SHROOM2: variants seen among roughly 807,000 people sequenced by gnomAD.
SHROOM2 encodes protein Shroom2.
In SHROOM2, 33 loss-of-function variants were observed where a neutral mutation model predicts 75.9. That is an observed-to-expected ratio of 0.43 (90% CI 0.33 to 0.58). The LOEUF (loss-of-function observed/expected upper bound fraction) is 0.58. SHROOM2 is among the 20% of genes least tolerant of loss of function. SHROOM2 has a pLI of 0.04. For missense variants in SHROOM2, 1,434 were observed against 1,461.2 expected (o/e 0.98, Z 0.30); for synonymous variants, 655 against 663.6 (o/e 0.99, Z 0.20).
intron 1 of SHROOM2, among the ~76,000 whole-genome samples, chrX:9,857,175 C>T (rs979679398): frequency 6.2e-5 from 7 of 112,230 alleles, no homozygotes; most frequent in Non-Finnish European, 1.3e-4. Context: ...AGTGAGGGAA[C>T]GTTGAGAACA....
At chrX:9,910,281 A>G (rs1272018806) in intron 5 of SHROOM2, among the ~76,000 whole-genome samples, 1 of 111,748 alleles carries the variant, frequency 8.9e-6, no homozygotes, top group Non-Finnish European at 1.9e-5. Context: ...ATGTACCAAT[A>G]TTGATTCATT....
At position 9,949,369 on chromosome X, in the gene SHROOM2, C is replaced by T. The variant is rs981773753; in HGVS notation, c.*2432C>T. 1 of 325,774 alleles carries T rather than the reference C, an allele frequency of 3.1e-6. No individual in the cohort carries two copies. Among genetic ancestry groups the T allele is most frequent in the Non-Finnish European group, 5.9e-6 (1 of 168,400 alleles). The allele number at this position is 325,774 out of a possible 1,213,427, so 26.8% of individuals were successfully genotyped here. A position where few individuals can be genotyped will look rare whatever the true frequency, so the allele number is the denominator to read the frequency against. On this transcript the variant is annotated 3_prime_UTR_variant, in exon 10 of 10. Transcript: ENST00000380913. ...AGCAAATGTGTGTAGATTTCATGCT[C>T]GACACTTACCACTCACCTATCAACA...
chrX:9,807,616 G>A (rs982499472), intron 1 of SHROOM2, among the ~76,000 whole-genome samples: 1 of 112,390 alleles, frequency 8.9e-6, no homozygotes, highest in Non-Finnish European at 1.9e-5. Flanking sequence ...CTGCCTGCTG[G>A]TCTAGGCCGT....
chrX:9,928,607 G>T (rs2084617460), intron 5 of SHROOM2, among the ~76,000 whole-genome samples: 1 of 110,632 alleles, frequency 9.0e-6, no homozygotes, highest in Admixed American at 9.7e-5. Context: ...ATACAACCCG[G>T]GCACACACTC....
In SHROOM2 at chrX:9,932,376, A is replaced by G. The variant is rs1459876219; in HGVS notation, c.3093A>G (p.Gly1031=). ...YSEESTPADL[G]PRAQSPGSPL... ...AGGAGAGCACCCCAGCAGACTTGGGACCCCGAGCCCAGAGCCCTGGCTCAC... is the reference window on the plus strand; with the variant it reads ...AGGAGAGCACCCCAGCAGACTTGGGGCCCCGAGCCCAGAGCCCTGGCTCAC... Residue 1031 remains glycine, a synonymous_variant, in exon 6 of 10, where the codon GGA becomes GGG. Coordinates refer to ENST00000380913, the MANE Select transcript of SHROOM2 (RefSeq NM_001649.4). 3.3e-6 allele frequency: 4 copies of G among 1,207,072 alleles called. No individual in the cohort carries two copies. The highest frequency in any genetic ancestry group is 4.5e-6 in the Non-Finnish European group (4 of 893,789).
At chrX:9,819,136 C>A (rs1176920023) in intron 1 of SHROOM2, 1 of 1,197,316 alleles carries the variant, frequency 8.4e-7, no homozygotes, top group Non-Finnish European at 1.1e-6. Context: ...TAGCCACAGG[C>A]TTTATAAGAA....
intron 5 of SHROOM2, among the ~76,000 whole-genome samples, chrX:9,924,439 T>A (rs1253689287): frequency 8.9e-6 from 1 of 111,839 alleles, no homozygotes; most frequent in African/African-American, 3.3e-5. Context: ...CACTGCAGCC[T>A]CCAACTCCTG....
intron 1 of SHROOM2, among the ~76,000 whole-genome samples, chrX:9,809,771 C>T (rs1480436567): frequency 3.6e-5 from 4 of 112,406 alleles, no homozygotes; most frequent in African/African-American, 6.4e-5. Flanking sequence ...TGGGTTCAAG[C>T]GATTCTCCTG....
intron 1 of SHROOM2, among the ~76,000 whole-genome samples, chrX:9,860,734 A>G (rs1400686746): frequency 2.7e-5 from 3 of 111,666 alleles, no homozygotes; most frequent in Non-Finnish European, 5.6e-5. Flanking sequence ...ACTCATATCA[A>G]TTTTGGTATT....
Position 9,834,648 on chromosome X carries a change from TTA to T in SHROOM2, c.166-39002_166-39001del, listed in dbSNP as rs1351014449. On this transcript the variant is annotated intron_variant, in intron 1 of 9. Coordinates refer to ENST00000380913, the MANE Select transcript of SHROOM2 (RefSeq NM_001649.4). ...CTTATTTATTTATTTATTTATTTAT[TTA>T]TTTTCTTTGAGACAACATCTCACAA... Among the ~76,000 whole-genome samples the T allele has an allele frequency of 5.8e-3, 119 of 20,655 alleles. 1 individual carries two copies. The highest frequency in any genetic ancestry group is 0.028 in the Admixed American group (29 of 1,024). 17.9% of individuals were successfully genotyped at this position (20,655 alleles called of 115,157 possible). A position where few individuals can be genotyped will look rare whatever the true frequency, so the allele number is the denominator to read the frequency against.
Position 9,843,607 on chromosome X carries a change from G to A in SHROOM2, c.166-30045G>A, listed in dbSNP as rs193256488. ...GTGGAGTTGGGGTTTAACCATGTTG[G>A]CCAGGCTGGTCTCGAACTCCTGACC... is the stretch of plus-strand genomic sequence containing the variant. On this transcript the variant is annotated intron_variant, in intron 1 of 9. Transcript: ENST00000380913. Among the ~76,000 whole-genome samples, 433 of 111,780 alleles carry A rather than the reference G, an allele frequency of 3.9e-3. 1 individual carries two copies. Among genetic ancestry groups the A allele is most frequent in the Non-Finnish European group, 7.0e-3 (370 of 53,111 alleles).
At position 9,822,985 on chromosome X, in the gene SHROOM2, A is replaced by ATTC. The variant is rs1193729528; in HGVS notation, c.165+36304_165+36306dup. 1.0e-3 allele frequency among the ~76,000 whole-genome samples: 88 copies of ATTC among 88,194 alleles called. 1 individual carries two copies. Among genetic ancestry groups the ATTC allele is most frequent in the African/African-American group, 3.0e-3 (63 of 21,352 alleles). 76.6% of individuals were successfully genotyped at this position (88,194 alleles called of 115,157 possible). On this transcript the variant is annotated intron_variant, in intron 1 of 9. Transcript: ENST00000380913. ...CTCAATTTTGAGAATAAGAATAATA[A>ATTC]TTCTTCTTCTTCTTCTTCTTCTTCT...
chrX:9,880,832 C>A (rs1249415191), intron 2 of SHROOM2, among the ~76,000 whole-genome samples: 2 of 112,003 alleles, frequency 1.8e-5, no homozygotes, highest in African/African-American at 6.5e-5. Context: ...CCCACCCACA[C>A]ACACTCAAAC....
chrX:9,906,403 G>T (rs1601981789), intron 5 of SHROOM2, among the ~76,000 whole-genome samples: 1 of 111,879 alleles, frequency 8.9e-6, no homozygotes, highest in African/African-American at 3.3e-5. Flanking sequence ...ACTGAACTGC[G>T]CTGTTTCAAA....
At chrX:9,865,795 C>G (rs1322940693) in intron 1 of SHROOM2, among the ~76,000 whole-genome samples, 1 of 110,122 alleles carries the variant, frequency 9.1e-6, no homozygotes, top group Non-Finnish European at 1.9e-5. Context: ...CTCCTGACCT[C>G]ATGATTCGCC....
At chrX:9,818,940 A>T in intron 1 of SHROOM2, 1 of 568,180 alleles carries the variant, frequency 1.8e-6, no homozygotes, top group Non-Finnish European at 3.2e-6. Flanking sequence ...CTTCCACTGT[A>T]TGTGGAGGAG....
At chrX:9,913,869 A>G (rs763701692) in intron 5 of SHROOM2, among the ~76,000 whole-genome samples, 4 of 111,897 alleles carry the variant, frequency 3.6e-5, no homozygotes, top group Admixed American at 2.9e-4. Context: ...CAAGTTGATG[A>G]ATGGTTGGCA....
intron 1 of SHROOM2, among the ~76,000 whole-genome samples, chrX:9,808,869 A>T (rs55743966): frequency 0.43 from 46,589 of 108,000 alleles, 9,485 homozygotes; most frequent in Non-Finnish European, 0.61. Flanking sequence ...CTCAAAAAAA[A>T]AATAATAAAA....
chrX:9,913,202 T>C (rs2084448731), intron 5 of SHROOM2: 1 of 112,438 alleles, frequency 8.9e-6, no homozygotes, highest in Non-Finnish European at 1.9e-5. Context: ...TACACAGGCA[T>C]TGAATGCGGA....
Sources: allele counts gnomAD v4.1 joint callset (sites outside exome capture counted in the v4.1 genomes callset), GRCh38; gene constraint gnomAD v4.1.1; transcripts MANE v1.5; gene names NCBI Gene and HGNC (gene_info 2026-07-23, HGNC 2026-07-21).